Variants in IL1RAPL2 observed in about 807,000 individuals in gnomAD.
IL1RAPL2 encodes the protein interleukin 1 receptor accessory protein like 2, also known as X-linked interleukin-1 receptor accessory protein-like 2.
A neutral mutation model predicts 44.1 loss-of-function variants in IL1RAPL2; 3 were observed. That is an observed-to-expected ratio of 0.07 (90% CI 0.03 to 0.18). The LOEUF (loss-of-function observed/expected upper bound fraction) is 0.18, where lower values mean the gene tolerates loss of function less well. Ranked by LOEUF, IL1RAPL2 falls within the 10% of genes least tolerant of loss-of-function variation. The probability of loss-of-function intolerance (pLI) is 1.00; values close to 1 mark genes in which losing one functional copy is unlikely to be tolerated. For missense variants in IL1RAPL2, 391 were observed against 496.4 expected (o/e 0.79, Z 2.02); for synonymous variants, 181 against 178.8 (o/e 1.01, Z -0.10).
At chrX:104,667,633 G>T (rs1016800333) in intron 2 of IL1RAPL2, among the ~76,000 whole-genome samples, 1 of 111,161 alleles carries the variant, frequency 9.0e-6, no homozygotes, top group South Asian at 3.8e-4. Context: ...CCAGAGTCCT[G>T]CTCTTAATCA....
intron 6 of IL1RAPL2, among the ~76,000 whole-genome samples, chrX:105,548,457 G>C (rs778777435): frequency 9.9e-5 from 11 of 111,474 alleles, no homozygotes; most frequent in Non-Finnish European, 1.7e-4. Context: ...CCTTGAGGTG[G>C]AAAGAACTTT....
intron 5 of IL1RAPL2, among the ~76,000 whole-genome samples, chrX:105,402,674 A>G (rs1352753886): frequency 9.0e-6 from 1 of 111,599 alleles, no homozygotes; most frequent in Non-Finnish European, 1.9e-5. Context: ...AGTTCTGAAC[A>G]TATGTCTCAT....
At chrX:105,760,182 A>G (rs2038675310) in intron 10 of IL1RAPL2, among the ~76,000 whole-genome samples, 1 of 112,093 alleles carries the variant, frequency 8.9e-6, no homozygotes, top group Admixed American at 9.5e-5. Context: ...TTGATTATGT[A>G]GAATTTCATT....
At chrX:105,295,692 T>C (rs1437476756) in intron 5 of IL1RAPL2, among the ~76,000 whole-genome samples, 1 of 112,347 alleles carries the variant, frequency 8.9e-6, no homozygotes, top group Non-Finnish European at 1.9e-5. Context: ...TCATTTGTGT[T>C]ACATCTGTGC....
intron 1 of IL1RAPL2, among the ~76,000 whole-genome samples, chrX:104,642,507 G>A (rs1479363315): frequency 2.8e-5 from 3 of 108,676 alleles, no homozygotes; most frequent in Non-Finnish European, 5.7e-5. Context: ...TTTTTTTGAC[G>A]GAGTTTTACT....
intron 2 of IL1RAPL2, among the ~76,000 whole-genome samples, chrX:104,734,342 T>C (rs5916824): frequency 0.38 from 42,336 of 111,476 alleles, 6,071 homozygotes; most frequent in East Asian, 0.46. Context: ...CAAACCTGCA[T>C]ATGAATGTGT....
intron 2 of IL1RAPL2, among the ~76,000 whole-genome samples, chrX:104,672,253 C>A (rs1379561715): frequency 4.5e-5 from 5 of 111,200 alleles, no homozygotes; most frequent in Non-Finnish European, 9.4e-5. Context: ...TATCCCTCCC[C>A]CACCCATAAC....
chrX:105,115,660 A>C (rs1016335597), intron 2 of IL1RAPL2, among the ~76,000 whole-genome samples: 1 of 112,858 alleles, frequency 8.9e-6, no homozygotes, highest in Non-Finnish European at 1.9e-5. Context: ...CCAAGTCCCC[A>C]CCAGACTCAG....
At chrX:105,082,854 CA>C (rs2032431653) in intron 2 of IL1RAPL2, among the ~76,000 whole-genome samples, 1 of 111,497 alleles carries the variant, frequency 9.0e-6, no homozygotes, top group Non-Finnish European at 1.9e-5. Context: ...TAGACCAGCG[CA>C]AAAAGGCTGA....
intron 2 of IL1RAPL2, among the ~76,000 whole-genome samples, chrX:104,968,934 C>G (rs2030179196): frequency 9.3e-6 from 1 of 107,343 alleles, no homozygotes; most frequent in Admixed American, 1.0e-4. Flanking sequence ...ATATTCAATG[C>G]AATTCCAATC....
chrX:104,851,089 T>C (rs984997596), intron 2 of IL1RAPL2, among the ~76,000 whole-genome samples: 23 of 111,029 alleles, frequency 2.1e-4, no homozygotes, highest in African/African-American at 7.5e-4. Flanking sequence ...TTTGGACTGG[T>C]ATTTTCGATG....
intron 5 of IL1RAPL2, among the ~76,000 whole-genome samples, chrX:105,305,215 A>G (rs1174569563): frequency 9.0e-6 from 1 of 111,118 alleles, no homozygotes. Flanking sequence ...TCAGGTATAA[A>G]GTCTGGGTTA....
chrX:105,013,588 G>A (rs1273678541), intron 2 of IL1RAPL2, among the ~76,000 whole-genome samples: 1 of 109,970 alleles, frequency 9.1e-6, no homozygotes, highest in Non-Finnish European at 1.9e-5. Flanking sequence ...TGCTGGTATG[G>A]GTGAGGAAAC....
intron 5 of IL1RAPL2, among the ~76,000 whole-genome samples, chrX:105,376,681 C>T (rs1452827585): frequency 1.8e-5 from 2 of 111,341 alleles, no homozygotes; most frequent in Non-Finnish European, 1.9e-5. Context: ...TATTCTTTTC[C>T]AAGTCATGTC....
chrX:105,670,449 G>A (rs1260524207), intron 6 of IL1RAPL2, among the ~76,000 whole-genome samples: 9 of 104,006 alleles, frequency 8.7e-5, no homozygotes, highest in Admixed American at 5.3e-4. Context: ...GCAGGAGCCC[G>A]CCACCGCGCC....
chrX:104,638,603 C>T (rs899622388), intron 1 of IL1RAPL2, among the ~76,000 whole-genome samples: 5 of 111,843 alleles, frequency 4.5e-5, no homozygotes, highest in African/African-American at 1.6e-4. Context: ...ATCTTAATTT[C>T]TTCATCTACC....
At chrX:105,398,621 G>A (rs1352663623) in intron 5 of IL1RAPL2, among the ~76,000 whole-genome samples, 4 of 111,104 alleles carry the variant, frequency 3.6e-5, no homozygotes, top group Non-Finnish European at 7.6e-5. Context: ...TTTAGGAAAG[G>A]CCTTGGAAAT....
intron 5 of IL1RAPL2, among the ~76,000 whole-genome samples, chrX:105,401,510 A>T (rs1383869430): frequency 9.0e-6 from 1 of 111,181 alleles, no homozygotes; most frequent in East Asian, 2.8e-4. Flanking sequence ...TGTACAGGTA[A>T]TGCTCTGTGA....
chrX:104,888,312 G>A (rs1327950872), intron 2 of IL1RAPL2, among the ~76,000 whole-genome samples: 1 of 105,471 alleles, frequency 9.5e-6, no homozygotes, highest in Admixed American at 1.0e-4. Context: ...CAGAGACAAA[G>A]AGGGAGTCAG....
Sources: allele counts gnomAD v4.1 joint callset (sites outside exome capture counted in the v4.1 genomes callset), GRCh38; gene constraint gnomAD v4.1.1; transcripts MANE v1.5; gene names NCBI Gene and HGNC (gene_info 2026-07-23, HGNC 2026-07-21).